SVEP1: variants seen among roughly 807,000 people sequenced by gnomAD.
SVEP1 encodes the protein sushi, von Willebrand factor type A, EGF and pentraxin domain-containing protein 1.
In SVEP1, 164 loss-of-function variants were observed where a neutral mutation model predicts 367.3. The ratio of observed to expected loss-of-function variants is 0.45; its 90% CI spans 0.39 to 0.51. SVEP1 has a LOEUF of 0.51. Ranked by LOEUF, SVEP1 falls within the 20% of genes least tolerant of loss-of-function variation. SVEP1 has a pLI of 0.00. For synonymous variants in SVEP1, 1,666 were observed against 1,611.6 expected (o/e 1.03, Z -0.81); for missense variants, 4,117 against 4,425.3 (o/e 0.93, Z 1.98).
rs565282881 is a variant in SVEP1 at position 110,368,164 on chromosome 9, C to T, written c.10695-1604G>A. ...GTAGCTAGACAGGATGGAGGAGACC[C>T]TGGAAGAGGTGGTGACATGGGAGGT... On this transcript the variant is annotated intron_variant, in intron 47 of 47. Coordinates refer to ENST00000374469, the MANE Select transcript of SVEP1 (RefSeq NM_153366.4). Among the ~76,000 whole-genome samples, 12 of 152,252 alleles carry T rather than the reference C, an allele frequency of 7.9e-5. No homozygotes were observed. The South Asian group carries it at 2.5e-3, about 32-fold the overall frequency.
rs1827595097 is a variant in SVEP1 at position 110,389,670 on chromosome 9, T to C, written c.9823-83A>G. The C allele has an allele frequency of 2.7e-6, 4 of 1,496,738 alleles. No individual in the cohort carries two copies. In the East Asian group the frequency reaches 6.8e-5, roughly 26 times the overall value. 92.7% of individuals were successfully genotyped at this position (1,496,738 alleles called of 1,614,324 possible). ...AGGAAATGCAAAGTAATCTTAGCTA[T>C]GGCCTTGAATCGCTCAGCACTGGAA... is the stretch of plus-strand genomic sequence containing the variant. On this transcript the variant is annotated intron_variant, in intron 40 of 47. Coordinates refer to ENST00000374469, the MANE Select transcript of SVEP1 (RefSeq NM_153366.4).
intron 3 of SVEP1, among the ~76,000 whole-genome samples, chr9:110,541,002 T>C (rs1465637499): frequency 1.3e-5 from 2 of 152,168 alleles, no homozygotes; most frequent in Non-Finnish European, 2.9e-5. Flanking sequence ...AATATCATGA[T>C]GGTCAGCTAT....
intron 1 of SVEP1, among the ~76,000 whole-genome samples, chr9:110,563,158 TA>T (rs1264432438): frequency 6.6e-5 from 10 of 152,200 alleles, no homozygotes; most frequent in African/African-American, 2.2e-4. Context: ...AGGAGATTTC[TA>T]AAATTCAATT....
intron 8 of SVEP1, among the ~76,000 whole-genome samples, chr9:110,495,999 G>A (rs188775632): frequency 1.3e-5 from 2 of 152,188 alleles, no homozygotes; most frequent in East Asian, 1.9e-4. Context: ...CTAGTAAAGG[G>A]CAAAGAATTC....
chr9:110,406,697 CCATGAA>C lies in SVEP1; in HGVS notation c.8897_8902del (p.Ile2966_Gly2968delinsArg), dbSNP rs1564133265. 1 of 1,613,970 alleles carries C rather than the reference CCATGAA, an allele frequency of 6.2e-7. No homozygotes were observed. On this transcript the variant is annotated inframe_deletion, in exon 38 of 48. Coordinates refer to ENST00000374469, the MANE Select transcript of SVEP1 (RefSeq NM_153366.4). ...AAAGCACTGATACTGTATATGGCCC[CCATGAA>C]TAAAGGAAAAACCATTAGGGAAACC...
intron 18 of SVEP1, among the ~76,000 whole-genome samples, chr9:110,463,415 G>T (rs1006982391): frequency 1.3e-5 from 2 of 152,128 alleles, no homozygotes; most frequent in Admixed American, 6.5e-5. Context: ...ACTTAAATAT[G>T]ATTGCTATCT....
chr9:110,555,401 G>A (rs1055286257), intron 1 of SVEP1, among the ~76,000 whole-genome samples: 2 of 152,170 alleles, frequency 1.3e-5, no homozygotes, highest in Non-Finnish European at 2.9e-5. Flanking sequence ...AGTAGTTAGT[G>A]TGTCTGGGTA....
Position 110,450,162 on chromosome 9 carries a change from G to A in SVEP1, c.4000C>T (p.Pro1334Ser). The change falls in exon 24 of 48, where the codon CCA becomes TCA. Residue 1334 changes from proline (P) to serine (S), a missense_variant. Pro to Ser is a moderately conservative substitution (Grantham distance 74). Transcript: ENST00000374469. Reference protein sequence around the residue: ...DQVGGFLCKCPPGFLGTRCGK... With the variant: ...DQVGGFLCKCSPGFLGTRCGK... ...CATCGGGTACCCAAAAATCCAGGTG[G>A]GCATTTGCACAAGAATCCCCCAACC... 1 of 1,613,856 alleles carries A rather than the reference G, an allele frequency of 6.2e-7. No homozygotes were observed. The highest frequency in any genetic ancestry group is 8.5e-7 in the Non-Finnish European group (1 of 1,179,830).
chr9:110,568,388 G>A (rs10980450), intron 1 of SVEP1, among the ~76,000 whole-genome samples: 16,109 of 152,170 alleles, frequency 0.11, 1,038 homozygotes, highest in East Asian at 0.3. Flanking sequence ...CTTTTATAGG[G>A]AATTTTATCT....
At chr9:110,482,941 T>G (rs1829217021) in intron 10 of SVEP1, among the ~76,000 whole-genome samples, 1 of 152,208 alleles carries the variant, frequency 6.6e-6, no homozygotes, top group Non-Finnish European at 1.5e-5. Flanking sequence ...AGATTTAATT[T>G]TATGCAGTAA....
At chr9:110,393,928 G>A (rs1300622931) in intron 40 of SVEP1, among the ~76,000 whole-genome samples, 1 of 152,180 alleles carries the variant, frequency 6.6e-6, no homozygotes, top group Non-Finnish European at 1.5e-5. Context: ...TCCACCTCTG[G>A]GGGCAGGGCA....
At chr9:110,542,050 T>A (rs540665184) in intron 3 of SVEP1, among the ~76,000 whole-genome samples, 1 of 152,110 alleles carries the variant, frequency 6.6e-6, no homozygotes, top group African/African-American at 2.4e-5. Flanking sequence ...AGAAATTAAG[T>A]TGCTCATAGC....
chr9:110,563,593 T>C (rs1319636218), intron 1 of SVEP1, among the ~76,000 whole-genome samples: 1 of 152,216 alleles, frequency 6.6e-6, no homozygotes, highest in Non-Finnish European at 1.5e-5. Context: ...CACTCTGTTG[T>C]GTGGTTGGAT....
chr9:110,392,136 TATATATA>T (rs1564128224), intron 40 of SVEP1, among the ~76,000 whole-genome samples: 1 of 145,548 alleles, frequency 6.9e-6, no homozygotes, highest in Non-Finnish European at 1.5e-5. Flanking sequence ...TTCCTCATTA[TATATATA>T]TATATATATA....
Position 110,407,274 on chromosome 9 carries a change from T to C in SVEP1, c.8326A>G (p.Lys2776Glu), listed in dbSNP as rs778137520. 1 of 1,614,038 alleles carries C rather than the reference T, an allele frequency of 6.2e-7. No individual in the cohort carries two copies. Among genetic ancestry groups the C allele is most frequent in the Non-Finnish European group, 8.5e-7 (1 of 1,179,900 alleles). ...CCATTCATGACTGGATTTGGCTTTTTGCATGAAATGGCTTCACAGCGTGGG... is the reference window on the plus strand; with the variant it reads ...CCATTCATGACTGGATTTGGCTTTTCGCATGAAATGGCTTCACAGCGTGGG... ...ASPRCEAISCKKPNPVMNGSI... is the reference protein window; with the variant it reads ...ASPRCEAISCEKPNPVMNGSI... The change falls in exon 38 of 48, where the codon AAA becomes GAA. Residue 2776 changes from lysine to glutamate, a missense_variant. Physicochemically the swap from Lys to Glu is moderately conservative, Grantham distance 56. Coordinates refer to ENST00000374469, the MANE Select transcript of SVEP1 (RefSeq NM_153366.4).
intron 41 of SVEP1, among the ~76,000 whole-genome samples, chr9:110,388,340 C>T (rs1334283169): frequency 6.6e-6 from 1 of 152,062 alleles, no homozygotes; most frequent in Non-Finnish European, 1.5e-5. Context: ...ATCACCCTTT[C>T]AAGAATCTCA....
At chr9:110,439,954 GCT>G (rs903374722) in intron 27 of SVEP1, among the ~76,000 whole-genome samples, 3 of 152,130 alleles carry the variant, frequency 2.0e-5, no homozygotes, top group Admixed American at 2.0e-4. Context: ...AGATAAAAAT[GCT>G]TTTTTTAACC....
chr9:110,430,813 G>C (rs901548217), intron 32 of SVEP1, among the ~76,000 whole-genome samples: 3 of 152,122 alleles, frequency 2.0e-5, no homozygotes, highest in African/African-American at 7.2e-5. Flanking sequence ...CAACTGACTT[G>C]GTGTCAGGCT....
intron 36 of SVEP1, among the ~76,000 whole-genome samples, chr9:110,423,167 G>GAAAAAAAAAAAAAAAAAAAAAAAAAA (rs1491397277): frequency 1.5e-5 from 1 of 66,990 alleles, no homozygotes; most frequent in African/African-American, 7.3e-5. Context: ...AAAAAATAAA[G>GAAAAAAAAAAAAAAAAAAAAAAAAAA]TAAAAAAAAA....
Sources: allele counts gnomAD v4.1 joint callset (sites outside exome capture counted in the v4.1 genomes callset), GRCh38; gene constraint gnomAD v4.1.1; transcripts MANE v1.5; gene names NCBI Gene and HGNC (gene_info 2026-07-23, HGNC 2026-07-21).